Variants in GABBR2 observed in about 807,000 individuals in gnomAD.
GABBR2 encodes G-protein coupled receptor 51.
Under a neutral mutation model 105.6 loss-of-function variants are expected in GABBR2, and 23 were observed. The observed-to-expected ratio is 0.22, with a 90% CI of 0.16 to 0.31. The LOEUF is 0.31. Among genes scored for constraint, GABBR2 ranks in the 10% least tolerant of loss-of-function variants. The probability of loss-of-function intolerance (pLI) is 1.00; values close to 1 mark genes in which losing one functional copy is unlikely to be tolerated. For missense variants in GABBR2, 734 were observed against 1,245.5 expected, an observed-to-expected ratio of 0.59 and a Z score of 6.18; for synonymous variants, 478 against 499.7, an observed-to-expected ratio of 0.96 and a Z score of 0.58.
At chr9:98,468,216 A>G (rs1055800661) in intron 6 of GABBR2, among the ~76,000 whole-genome samples, 23 of 152,270 alleles carry the variant, frequency 1.5e-4, no homozygotes, top group Middle Eastern at 3.4e-3. Flanking sequence ...TATTCCTCCT[A>G]CCAGAAAACT....
rs530568533 is a variant in GABBR2 at position 98,559,489 on chromosome 9, G to A, written c.460-17446C>T. Among the ~76,000 whole-genome samples, 17 of 152,334 alleles carry A rather than the reference G, an allele frequency of 1.1e-4. No homozygotes were observed. The South Asian group carries it at 2.3e-3, about 20-fold the overall frequency. Reference sequence around the variant, plus strand: ...AGAAAATGAAAATTGCTGAACCAGAGATAATGCCACCAGAAAGGTTTTAAA... The same window carrying A: ...AGAAAATGAAAATTGCTGAACCAGAAATAATGCCACCAGAAAGGTTTTAAA... On this transcript the variant is annotated intron_variant, in intron 2 of 18. Coordinates refer to ENST00000259455, the MANE Select transcript of GABBR2 (RefSeq NM_005458.8).
At chr9:98,349,665 A>G (rs925900288) in intron 13 of GABBR2, among the ~76,000 whole-genome samples, 1 of 151,972 alleles carries the variant, frequency 6.6e-6, no homozygotes, top group Non-Finnish European at 1.5e-5. Context: ...ATATTTTTTC[A>G]TCTAGATTTT....
chr9:98,698,503 C>CT (rs200900023), intron 1 of GABBR2, among the ~76,000 whole-genome samples: 16,035 of 78,622 alleles, frequency 0.2, 1,281 homozygotes, highest in East Asian at 0.43. Context: ...ATGCACAATT[C>CT]TTTTTTTTTT....
At chr9:98,475,328 T>G (rs960981332) in intron 5 of GABBR2, among the ~76,000 whole-genome samples, 3 of 151,232 alleles carry the variant, frequency 2.0e-5, no homozygotes, top group Non-Finnish European at 4.4e-5. Context: ...ATGAATGAAA[T>G]TTAGTCCACA....
chr9:98,670,832 G>C (rs958042118), intron 1 of GABBR2, among the ~76,000 whole-genome samples: 4 of 152,154 alleles, frequency 2.6e-5, no homozygotes, highest in African/African-American at 7.2e-5. Context: ...TAGAGGGTGG[G>C]AAGAATGGTG....
intron 2 of GABBR2, among the ~76,000 whole-genome samples, chr9:98,561,864 A>G (rs988686040): frequency 6.6e-6 from 1 of 152,198 alleles, no homozygotes; most frequent in African/African-American, 2.4e-5. Flanking sequence ...AGCCTGGGTG[A>G]TGGAATGAGA....
intron 1 of GABBR2, among the ~76,000 whole-genome samples, chr9:98,604,228 G>A (rs1024275791): frequency 6.6e-6 from 1 of 152,142 alleles, no homozygotes; most frequent in Non-Finnish European, 1.5e-5. Flanking sequence ...AGTTTGAGAC[G>A]CCAGCTCATT....
intron 13 of GABBR2, among the ~76,000 whole-genome samples, chr9:98,329,504 G>A (rs1372337264): frequency 6.6e-6 from 1 of 152,182 alleles, no homozygotes; most frequent in Non-Finnish European, 1.5e-5. Context: ...GGACCCTTGG[G>A]CTGGAAGCTG....
intron 13 of GABBR2, among the ~76,000 whole-genome samples, chr9:98,360,808 T>C (rs1831569093): frequency 6.6e-6 from 1 of 152,204 alleles, no homozygotes; most frequent in African/African-American, 2.4e-5. Context: ...ACTCTGGCAC[T>C]GCTGGTGTCT....
chr9:98,546,704 C>T (rs977320905), intron 2 of GABBR2, among the ~76,000 whole-genome samples: 1 of 152,166 alleles, frequency 6.6e-6, no homozygotes, highest in Non-Finnish European at 1.5e-5. Flanking sequence ...AGCATATGGA[C>T]AGATTTTAAA....
At chr9:98,303,523 G>A (rs1588089664) in intron 15 of GABBR2, 100 bp from the exon 16 acceptor site, 2 of 1,046,448 alleles carry the variant, frequency 1.9e-6, no homozygotes, top group African/African-American at 1.6e-5. Flanking sequence ...CTCTGGAGGC[G>A]ATAAGAGGCC....
chr9:98,697,145 T>C (rs1455135122), intron 1 of GABBR2, among the ~76,000 whole-genome samples: 1 of 152,210 alleles, frequency 6.6e-6, no homozygotes, highest in African/African-American at 2.4e-5. Flanking sequence ...TTGGTTGTGA[T>C]GTTAAATACG....
intron 13 of GABBR2, among the ~76,000 whole-genome samples, chr9:98,318,134 G>A (rs927118127): frequency 2.6e-5 from 4 of 152,218 alleles, no homozygotes; most frequent in Non-Finnish European, 4.4e-5. Flanking sequence ...ATAAGCGAGA[G>A]GACAGCATGG....
intron 13 of GABBR2, among the ~76,000 whole-genome samples, chr9:98,339,717 T>C (rs1290810337): frequency 6.6e-6 from 1 of 152,236 alleles, no homozygotes; most frequent in Non-Finnish European, 1.5e-5. Context: ...TTATTGAGTA[T>C]GTACTATGTG....
intron 7 of GABBR2, among the ~76,000 whole-genome samples, chr9:98,419,067 G>A (rs1043337685): frequency 6.6e-6 from 1 of 152,232 alleles, no homozygotes; most frequent in African/African-American, 2.4e-5. Flanking sequence ...TGGAATCTTC[G>A]CTTTAAGCCA....
intron 1 of GABBR2, among the ~76,000 whole-genome samples, chr9:98,663,300 G>A (rs1830291054): frequency 6.6e-6 from 1 of 152,260 alleles, no homozygotes; most frequent in South Asian, 2.1e-4. Context: ...GAAAGGCACA[G>A]GGTCATGGAG....
At position 98,309,664 on chromosome 9, in the gene GABBR2, C is replaced by T. The variant is rs377348705; in HGVS notation, c.2004+1431G>A. ...AGTTTCTGGTGACTATGAGTGTGTC[C>T]TTGTCCAAACCCAGGACCTTTGGCC... On this transcript the variant is annotated intron_variant, in intron 14 of 18. Transcript: ENST00000259455. Among the ~76,000 whole-genome samples, 8 of 152,312 alleles carry T rather than the reference C, an allele frequency of 5.3e-5. No individual in the cohort carries two copies. In the South Asian group the frequency reaches 1.7e-3, roughly 32 times the overall value.
At chr9:98,361,679 C>T (rs1042556608) in intron 13 of GABBR2, among the ~76,000 whole-genome samples, 6 of 152,168 alleles carry the variant, frequency 3.9e-5, no homozygotes, top group African/African-American at 9.7e-5. Flanking sequence ...GAGCCAGTGT[C>T]GGGTCTTTCC....
intron 1 of GABBR2, among the ~76,000 whole-genome samples, chr9:98,631,753 A>C (rs758041078): frequency 6.6e-6 from 1 of 152,228 alleles, no homozygotes; most frequent in Non-Finnish European, 1.5e-5. Flanking sequence ...CATAAAACCA[A>C]ACACTTCACT....
Sources: allele counts gnomAD v4.1 joint callset (sites outside exome capture counted in the v4.1 genomes callset), GRCh38; gene constraint gnomAD v4.1.1; transcripts MANE v1.5; gene names NCBI Gene and HGNC (gene_info 2026-07-23, HGNC 2026-07-21).